Variants in MAGI2 observed in about 807,000 individuals in gnomAD.
MAGI2 encodes membrane associated guanylate kinase, WW and PDZ domain containing 2.
MAGI2 carries 35 observed loss-of-function variants against 133.3 expected under a neutral mutation model. The observed-to-expected ratio is 0.26, with a 90% CI of 0.20 to 0.35. The LOEUF (loss-of-function observed/expected upper bound fraction) is 0.35, where lower values mean the gene tolerates loss of function less well. MAGI2 is among the 10% of genes least tolerant of loss of function. The pLI is 1.00. For synonymous variants in MAGI2, 729 were observed against 710.6 expected (o/e 1.03, Z -0.41); for missense variants, 1,636 against 1,863.4 (o/e 0.88, Z 2.25).
chr7:78,959,670 C>T (rs1261758257), intron 2 of MAGI2, among the ~76,000 whole-genome samples: 1 of 152,106 alleles, frequency 6.6e-6, no homozygotes, highest in African/African-American at 2.4e-5. Flanking sequence ...CAGTTTTTGA[C>T]ATTGTGTCAC....
At chr7:79,044,873 A>G (rs1812024222) in intron 1 of MAGI2, among the ~76,000 whole-genome samples, 1 of 152,236 alleles carries the variant, frequency 6.6e-6, no homozygotes, top group Non-Finnish European at 1.5e-5. Context: ...AGTTTCCTAT[A>G]AATTTATACA....
chr7:78,034,558 C>T (rs914614437), intron 21 of MAGI2, among the ~76,000 whole-genome samples: 9 of 152,108 alleles, frequency 5.9e-5, no homozygotes, highest in East Asian at 5.8e-4. Flanking sequence ...GATGGAGTCT[C>T]GCTCTGTCAC....
intron 1 of MAGI2, among the ~76,000 whole-genome samples, chr7:79,371,430 C>A (rs1843040747): frequency 6.6e-6 from 1 of 151,918 alleles, no homozygotes. Context: ...CATGACATTC[C>A]TGTTAACTAC....
intron 2 of MAGI2, among the ~76,000 whole-genome samples, chr7:78,647,862 T>C (rs1811064784): frequency 1.3e-5 from 2 of 152,124 alleles, no homozygotes; most frequent in Non-Finnish European, 2.9e-5. Flanking sequence ...TGGATGAGGC[T>C]GGAAACCATC....
At chr7:79,428,829 T>C (rs1403159972) in intron 1 of MAGI2, among the ~76,000 whole-genome samples, 2 of 152,162 alleles carry the variant, frequency 1.3e-5, no homozygotes, top group Non-Finnish European at 2.9e-5. Context: ...TTGTTCTCAT[T>C]TGCTGAAGCT....
At chr7:78,523,227 G>C (rs893446492) in intron 3 of MAGI2, among the ~76,000 whole-genome samples, 7 of 152,176 alleles carry the variant, frequency 4.6e-5, no homozygotes, top group Admixed American at 6.5e-5. Flanking sequence ...AAGTTGGGAA[G>C]AGCAGTAATT....
chr7:79,025,934 G>C (rs1483067567), intron 1 of MAGI2, among the ~76,000 whole-genome samples: 1 of 152,160 alleles, frequency 6.6e-6, no homozygotes, highest in African/African-American at 2.4e-5. Flanking sequence ...CAAGGACTAT[G>C]ACAGTGAATT....
chr7:79,103,654 C>A (rs1298055018), intron 1 of MAGI2, among the ~76,000 whole-genome samples: 1 of 151,990 alleles, frequency 6.6e-6, no homozygotes, highest in Non-Finnish European at 1.5e-5. Context: ...CACACCAGGA[C>A]TTTCTAGAAA....
At chr7:78,440,406 C>A (rs1787497128) in intron 6 of MAGI2, among the ~76,000 whole-genome samples, 1 of 151,986 alleles carries the variant, frequency 6.6e-6, no homozygotes, top group African/African-American at 2.4e-5. Flanking sequence ...CTATGAGAAA[C>A]CATGAGGGTC....
At chr7:78,318,435 A>G (rs553484948) in intron 9 of MAGI2, among the ~76,000 whole-genome samples, 3 of 152,186 alleles carry the variant, frequency 2.0e-5, no homozygotes, top group Non-Finnish European at 4.4e-5. Flanking sequence ...AAAAGAACGA[A>G]AAGGAACAAC....
At chr7:79,427,931 G>C (rs1847507213) in intron 1 of MAGI2, among the ~76,000 whole-genome samples, 1 of 151,954 alleles carries the variant, frequency 6.6e-6, no homozygotes, top group Non-Finnish European at 1.5e-5. Context: ...CAGATGAAAG[G>C]GAAAAACAAG....
At chr7:79,111,568 G>A (rs1818924502) in intron 1 of MAGI2, among the ~76,000 whole-genome samples, 1 of 152,128 alleles carries the variant, frequency 6.6e-6, no homozygotes, top group Non-Finnish European at 1.5e-5. Context: ...GTAATACTCG[G>A]AAAAAATATA....
intron 1 of MAGI2, among the ~76,000 whole-genome samples, chr7:79,130,165 A>T (rs1351905038): frequency 6.6e-6 from 1 of 151,322 alleles, no homozygotes; most frequent in Admixed American, 6.6e-5. Context: ...AAAAAAAAAA[A>T]AAAAAATTAG....
chr7:79,075,147 A>T (rs1021108686), intron 1 of MAGI2, among the ~76,000 whole-genome samples: 6 of 152,128 alleles, frequency 3.9e-5, no homozygotes, highest in Non-Finnish European at 7.4e-5. Context: ...CTCTCTTTTT[A>T]TTCAGTAAAT....
In MAGI2 at chr7:79,171,770, A is replaced by ATTTTTTT. The variant is rs144599296; in HGVS notation, c.302-164571_302-164565dup. On this transcript the variant is annotated intron_variant, in intron 1 of 21. Transcript: ENST00000354212. ...TATATATATATATATATATATATAT[A>ATTTTTTT]TTTTTTTTTTTTTTTTCTTTTAAAG... 1.3e-3 allele frequency among the ~76,000 whole-genome samples: 42 copies of ATTTTTTT among 31,208 alleles called. 3 individuals are homozygous for ATTTTTTT. Among genetic ancestry groups the ATTTTTTT allele is most frequent in the Non-Finnish European group, 2.1e-3 (19 of 9,004 alleles). 20.5% of individuals were successfully genotyped at this position (31,208 alleles called of 152,430 possible).
intron 3 of MAGI2, among the ~76,000 whole-genome samples, chr7:78,558,442 C>T (rs1034902720): frequency 6.6e-6 from 1 of 152,046 alleles, no homozygotes; most frequent in Admixed American, 6.5e-5. Context: ...GTAATAATTT[C>T]TAAATTTCCA....
chr7:78,745,724 C>T (rs557716160), intron 2 of MAGI2, among the ~76,000 whole-genome samples: 1 of 152,246 alleles, frequency 6.6e-6, no homozygotes, highest in Admixed American at 6.5e-5. Context: ...CACTTCTTAT[C>T]TTATTTTATT....
At chr7:78,662,191 CTTTA>C (rs1813034918) in intron 2 of MAGI2, among the ~76,000 whole-genome samples, 1 of 152,120 alleles carries the variant, frequency 6.6e-6, no homozygotes, top group African/African-American at 2.4e-5. Context: ...GTGTAAAGTA[CTTTA>C]TTTATAAATG....
At chr7:78,997,604 TTA>T (rs1806435253) in intron 2 of MAGI2, among the ~76,000 whole-genome samples, 1 of 136,130 alleles carries the variant, frequency 7.3e-6, no homozygotes, top group African/African-American at 2.8e-5. Flanking sequence ...TCCATCTCAA[TTA>T]AAAAAAAAAA....
Sources: allele counts gnomAD v4.1 joint callset (sites outside exome capture counted in the v4.1 genomes callset), GRCh38; gene constraint gnomAD v4.1.1; transcripts MANE v1.5; gene names NCBI Gene and HGNC (gene_info 2026-07-23, HGNC 2026-07-21).